Variants in NFKBID observed in about 807,000 individuals in gnomAD.
NFKBID encodes the protein NF-kappa-B inhibitor delta.
NFKBID carries 26 observed loss-of-function variants against 53.4 expected under a neutral mutation model. The observed-to-expected ratio is 0.49, with a 90% CI of 0.36 to 0.68. The LOEUF is 0.68. NFKBID is among the 30% of genes least tolerant of loss of function. The pLI is 0.00. For missense variants in NFKBID, 493 were observed against 614.1 expected (o/e 0.80, Z 2.08); for synonymous variants, 262 against 259.8 (o/e 1.01, Z -0.08).
At position 35,896,322 on chromosome 19, in the gene NFKBID, G is replaced by C. The variant is rs544703119; in HGVS notation, c.832-53C>G. The C allele has an allele frequency of 1.2e-6, 2 of 1,613,848 alleles. No individual in the cohort carries two copies. Among genetic ancestry groups the C allele is most frequent in the Non-Finnish European group, 1.7e-6 (2 of 1,179,816 alleles). ...GGTAAGGGTATCCCCTGGCCTCCTG[G>C]CCCTGGAAGCCAAAATCTGGGCAAC... is the stretch of plus-strand genomic sequence containing the variant. On this transcript the variant is annotated intron_variant, in intron 7 of 11. Transcript: ENST00000641389. This position sits in a 1 kb window ranked among gnomAD's most constrained non-coding sequence, Gnocchi z 5.7.
rs1315438297 is a variant in NFKBID, at chr19:35,898,478, C to T, written c.220G>A (p.Val74Met). The change falls in exon 3 of 12, where the codon GTG becomes ATG. Residue 74 changes from valine (V) to methionine (M), a missense_variant. Val to Met is a conservative substitution (Grantham distance 21). This residue lies in a region of NFKBID where 226 missense variants were observed against 229.5 expected (regional missense o/e 0.98). Transcript: ENST00000641389. ...GGGAGCTGAGAGAACTTACCAGTCA[C>T]AGCCTCATTCACAGATGGGGTCAGG... is the stretch of plus-strand genomic sequence containing the variant. 3 of 1,533,964 alleles carry T rather than the reference C, an allele frequency of 2.0e-6. No homozygotes were observed. In the Admixed American group the frequency reaches 5.9e-5, roughly 30 times the overall value.
At chr19:35,892,558 AAT>A (rs1360942304) in intron 9 of NFKBID, among the ~76,000 whole-genome samples, 33 of 151,658 alleles carry the variant, frequency 2.2e-4, no homozygotes, top group African/African-American at 7.3e-4. Context: ...AAAAAAAAAA[AAT>A]TATTTGTCCT....
At chr19:35,897,342 C>T (rs749047660) in intron 4 of NFKBID, 1 of 539,060 alleles carries the variant, frequency 1.9e-6, no homozygotes, top group Non-Finnish European at 3.3e-6. Context: ...GCAATCTCTA[C>T]CTCCTGGGTT....
At chr19:35,900,640 G>C (rs573150219) in exon 1 of NFKBID, 2 of 1,228,730 alleles carry the variant, frequency 1.6e-6, no homozygotes, top group African/African-American at 1.6e-5. Flanking sequence ...CCCGGGTCGC[G>C]CTCCGGCGAA....
chr19:35,896,208 C>A lies in NFKBID; in HGVS notation c.883+10G>T, dbSNP rs377418359. 29 of 1,614,110 alleles carry A rather than the reference C, an allele frequency of 1.8e-5. No homozygotes were observed. Among genetic ancestry groups the A allele is most frequent in the African/African-American group, 2.7e-5 (2 of 74,944 alleles). On this transcript the variant is annotated intron_variant, in intron 8 of 11. Coordinates refer to ENST00000641389, the Ensembl canonical transcript of NFKBID. The surrounding 1 kb of genome is among the most constrained non-coding windows in gnomAD (Gnocchi z 5.7). ...ACCAACCACACCAGCCCTGCCCACA[C>A]CCAACTTACCCTCGAAGTCTCTGGC...
chr19:35,895,419 CAG>C (rs1975070819), intron 9 of NFKBID, among the ~76,000 whole-genome samples: 1 of 151,624 alleles, frequency 6.6e-6, no homozygotes. Flanking sequence ...ACCTGGGAGG[CAG>C]AGTTTGCCAT....
chr19:35,894,439 G>A (rs907938997), intron 9 of NFKBID, among the ~76,000 whole-genome samples: 9 of 152,106 alleles, frequency 5.9e-5, no homozygotes, highest in African/African-American at 2.2e-4. Context: ...GGGTGCAGTG[G>A]CTCACAACTG....
chr19:35,901,182 C>A (rs1264012756), upstream of NFKBID, among the ~76,000 whole-genome samples: 1 of 151,340 alleles, frequency 6.6e-6, no homozygotes, highest in Non-Finnish European at 1.5e-5. Flanking sequence ...GAGGCTTTGT[C>A]TCCTGGGTCC....
intron 1 of NFKBID, 34 bp from the exon 2 acceptor site, chr19:35,898,856 G>T: frequency 6.7e-7 from 1 of 1,498,542 alleles, no homozygotes; most frequent in Non-Finnish European, 9.0e-7. Context: ...AGTCATCAAG[G>T]GTCCTTAAGT....
At chr19:35,891,479 C>A (rs918685019) in intron 9 of NFKBID, among the ~76,000 whole-genome samples, 2 of 151,920 alleles carry the variant, frequency 1.3e-5, no homozygotes, top group Non-Finnish European at 2.9e-5. Context: ...TATCATTTTA[C>A]AGCCAAAAGG....
Position 35,888,617 on chromosome 19 carries a change from A to T in NFKBID, c.1315-5T>A, listed in dbSNP as rs747993614. 2 of 1,570,322 alleles carry T rather than the reference A, an allele frequency of 1.3e-6. No homozygotes were observed. The highest frequency in any genetic ancestry group is 8.6e-7 in the Non-Finnish European group (1 of 1,157,612). On this transcript the variant is annotated splice_polypyrimidine_tract_variant and splice_region_variant and intron_variant, in intron 11 of 11. Coordinates refer to ENST00000641389, the Ensembl canonical transcript of NFKBID. ...CCTCTTCAACAGCTGCCGGAGCTGT[A>T]GACAAGGCAAAGGAGGGAGAGAAGT...
chr19:35,901,934 C>T (rs1055809355), upstream of NFKBID: 2 of 519,400 alleles, frequency 3.9e-6, no homozygotes, highest in African/African-American at 3.9e-5. Flanking sequence ...AAAGTTCCTC[C>T]TCTTCCCCCA....
chr19:35,898,003 C>A, intron 3 of NFKBID, 147 bp from the exon 4 acceptor site: 1 of 628,320 alleles, frequency 1.6e-6, no homozygotes, highest in Admixed American at 2.8e-5. Flanking sequence ...TCCTGGGACA[C>A]TGAGGAATTG....
At chr19:35,888,696 A>G in intron 11 of NFKBID, 84 bp from the exon 12 acceptor site, 1 of 1,018,856 alleles carries the variant, frequency 9.8e-7, no homozygotes, top group East Asian at 2.6e-5. Flanking sequence ...GGGAGGGGCT[A>G]GAGAAGAGAG....
In NFKBID at chr19:35,896,286, G is replaced by T; in HGVS notation, c.832-17C>A. On this transcript the variant is annotated splice_polypyrimidine_tract_variant and intron_variant, in intron 7 of 11. Transcript: ENST00000641389. The surrounding 1 kb of genome is among the most constrained non-coding windows in gnomAD (Gnocchi z 5.7). ...AAGCACAGCCTGGGAGGAAGAGAAGGCAGACTGCTGGGTAAGGGTATCCCC... is the reference window on the plus strand; with the variant it reads ...AAGCACAGCCTGGGAGGAAGAGAAGTCAGACTGCTGGGTAAGGGTATCCCC... 4 of 1,614,164 alleles carry T rather than the reference G, an allele frequency of 2.5e-6. No homozygotes were observed. Among genetic ancestry groups the T allele is most frequent in the Non-Finnish European group, 3.4e-6 (4 of 1,180,004 alleles).
chr19:35,901,244 G>A (rs1033786564), upstream of NFKBID, among the ~76,000 whole-genome samples: 2 of 152,028 alleles, frequency 1.3e-5, no homozygotes, highest in African/African-American at 2.4e-5. Context: ...TGGGGGCAGG[G>A]AGAATATTAC....
intron 1 of NFKBID, 40 bp from the exon 2 acceptor site, chr19:35,898,862 T>C: frequency 6.1e-6 from 9 of 1,471,426 alleles, no homozygotes; most frequent in Non-Finnish European, 8.3e-6. Context: ...CAAGGGTCCT[T>C]AAGTCACCTA....
upstream of NFKBID, among the ~76,000 whole-genome samples, chr19:35,901,125 G>A (rs117451200): frequency 0.011 from 1,679 of 152,154 alleles, 21 homozygotes; most frequent in East Asian, 0.07. Flanking sequence ...GAGCCATGGT[G>A]CCTGGCTGGG....
At chr19:35,890,700 CA>C in intron 9 of NFKBID, 1 of 609,584 alleles carries the variant, frequency 1.6e-6, no homozygotes, top group Non-Finnish European at 3.0e-6. Flanking sequence ...CTCATCTCTA[CA>C]AAAAATAGAA....
Sources: gnomAD v4.1 joint callset for allele counts (sites outside exome capture counted in the v4.1 genomes callset) on GRCh38, gnomAD v4.1.1 for gene constraint, gnomAD v4.1.1 regional missense constraint, Gnocchi (gnomAD v3.1) non-coding constraint, MANE v1.5 for transcripts, NCBI Gene and HGNC (gene_info 2026-07-23, HGNC 2026-07-21) for gene names.